The following PTPRM variants were observed in gnomAD, a reference collection of about 807,000 sequenced individuals.
PTPRM encodes the protein receptor-type tyrosine-protein phosphatase mu.
A neutral mutation model predicts 186.7 loss-of-function variants in PTPRM; 47 were observed. The ratio of observed to expected loss-of-function variants is 0.25; its 90% confidence interval spans 0.20 to 0.32. PTPRM has a LOEUF of 0.32. Ranked by LOEUF, PTPRM falls within the 10% of genes least tolerant of loss-of-function variation. The pLI is 1.00. For synonymous variants in PTPRM, 668 were observed against 674.9 expected, an observed-to-expected ratio of 0.99 and a Z score of 0.16; for missense variants, 1,494 against 1,865.0, an observed-to-expected ratio of 0.80 and a Z score of 3.66.
rs56196244 is a variant in PTPRM at position 7,620,220 on chromosome 18, C to T, written c.73+52329C>T. The stretch of plus-strand genomic sequence containing the variant: ...GGCTGCTACACAGGAACCACTGTAC[C>T]AGGCATTGGCCTTTCTCCTTTGTTT... On this transcript the variant is annotated intron_variant, in intron 1 of 32. Transcript: ENST00000580170. Among the ~76,000 whole-genome samples, 518 of 152,280 alleles carry T rather than the reference C, an allele frequency of 3.4e-3. 1 individual carries two copies. The highest frequency in any genetic ancestry group is 0.012 in the African/African-American group (498 of 41,546).
intron 22 of PTPRM, among the ~76,000 whole-genome samples, chr18:8,338,866 G>A (rs924030651): frequency 1.3e-5 from 2 of 152,154 alleles, no homozygotes; most frequent in Admixed American, 6.5e-5. Context: ...AGCAGCTCTA[G>A]TTAATGTAGA....
chr18:8,302,117 A>G (rs1379621762), intron 20 of PTPRM, among the ~76,000 whole-genome samples: 1 of 152,208 alleles, frequency 6.6e-6, no homozygotes, highest in East Asian at 1.9e-4. Context: ...GGGGTGATGT[A>G]AATGATTACA....
intron 19 of PTPRM, among the ~76,000 whole-genome samples, chr18:8,276,395 A>G (rs2094835755): frequency 6.6e-6 from 1 of 152,178 alleles, no homozygotes; most frequent in Admixed American, 6.5e-5. Flanking sequence ...TGATAGGTCA[A>G]CGCAGACCAG....
intron 7 of PTPRM, among the ~76,000 whole-genome samples, chr18:8,048,962 T>A (rs1217931250): frequency 6.6e-6 from 1 of 152,210 alleles, no homozygotes; most frequent in Non-Finnish European, 1.5e-5. Flanking sequence ...GTTCCAAACT[T>A]CCAAGGCTTT....
intron 2 of PTPRM, among the ~76,000 whole-genome samples, chr18:7,835,560 G>A (rs2145777155): frequency 6.6e-6 from 1 of 152,144 alleles, no homozygotes; most frequent in South Asian, 2.1e-4. Flanking sequence ...TGCAGCCTTT[G>A]GATGAAATGT....
chr18:8,394,556 T>C lies in PTPRM; in HGVS notation c.4289T>C (p.Val1430Ala). ...EMLRHQRTVD[V>A]FHAVKTLRNN... ...CTCCGGCACCAGAGAACCGTGGATG[T>C]CTTTCACGCTGTGAAGACACTGAGG... The change falls in exon 32 of 33, where the codon GTC becomes GCC. Residue 1430 changes from valine to alanine, a missense_variant. Coordinates refer to ENST00000580170, the MANE Select transcript of PTPRM (RefSeq NM_001105244.2). 1 of 1,613,808 alleles carries C rather than the reference T, an allele frequency of 6.2e-7. No individual in the cohort carries two copies. Among genetic ancestry groups the C allele is most frequent in the South Asian group, 1.1e-5 (1 of 90,944 alleles).
intron 3 of PTPRM, among the ~76,000 whole-genome samples, chr18:7,904,791 G>T (rs1409818980): frequency 1.3e-5 from 2 of 152,096 alleles, no homozygotes; most frequent in African/African-American, 2.4e-5. Flanking sequence ...AGAGTGCAAT[G>T]GTTAGGTTGT....
At chr18:8,036,161 G>A (rs185445114) in intron 7 of PTPRM, among the ~76,000 whole-genome samples, 26 of 152,328 alleles carry the variant, frequency 1.7e-4, no homozygotes, top group East Asian at 1.2e-3. Flanking sequence ...CTCACATGGC[G>A]TCGGGGTAAC....
chr18:8,029,232 C>G (rs865954848), intron 7 of PTPRM, among the ~76,000 whole-genome samples: 7 of 151,306 alleles, frequency 4.6e-5, no homozygotes, highest in Admixed American at 2.6e-4. Flanking sequence ...GCCCCTCCCC[C>G]ACCTGTCCTG....
intron 8 of PTPRM, among the ~76,000 whole-genome samples, chr18:8,070,826 C>T (rs1044137638): frequency 4.6e-5 from 7 of 152,156 alleles, no homozygotes; most frequent in East Asian, 3.9e-4. Context: ...GACCATTAAA[C>T]GAATGAACTG....
intron 1 of PTPRM, among the ~76,000 whole-genome samples, chr18:7,726,284 T>C (rs1309150752): frequency 6.6e-6 from 1 of 152,196 alleles, no homozygotes; most frequent in Non-Finnish European, 1.5e-5. Flanking sequence ...CATTTACATA[T>C]CTTCTTTCAA....
At chr18:8,342,090 A>AC (rs1327838196) in intron 22 of PTPRM, among the ~76,000 whole-genome samples, 1 of 152,088 alleles carries the variant, frequency 6.6e-6, no homozygotes, top group Non-Finnish European at 1.5e-5. Flanking sequence ...TGTGTTGTGG[A>AC]GAGAAAGGAA....
chr18:8,169,827 T>C (rs187694997), intron 14 of PTPRM, among the ~76,000 whole-genome samples: 1,634 of 152,326 alleles, frequency 0.011, 15 homozygotes, highest in Non-Finnish European at 0.016. Flanking sequence ...TTTTCTTCTG[T>C]AAGTACTCAT....
At chr18:8,292,662 A>G (rs968241214) in intron 19 of PTPRM, among the ~76,000 whole-genome samples, 1 of 152,200 alleles carries the variant, frequency 6.6e-6, no homozygotes, top group African/African-American at 2.4e-5. Context: ...TAATTCCTGG[A>G]TAAGAAGTTG....
At chr18:8,252,153 C>T (rs1379278287) in intron 17 of PTPRM, among the ~76,000 whole-genome samples, 1 of 152,128 alleles carries the variant, frequency 6.6e-6, no homozygotes, top group Non-Finnish European at 1.5e-5. Flanking sequence ...TTTTATAGTA[C>T]AATTTGGTTG....
chr18:7,822,014 C>G lies in PTPRM; in HGVS notation c.196+47743C>G, dbSNP rs377309288. On this transcript the variant is annotated intron_variant, in intron 2 of 32. Transcript: ENST00000580170. The stretch of plus-strand genomic sequence containing the variant: ...AAACAAAGCAGCAGATGAGGGAGGA[C>G]TACTATATTGCCACATTATAAATAT... Among the ~76,000 whole-genome samples the G allele has an allele frequency of 4.6e-5, 7 of 152,316 alleles. No homozygotes were observed. In the East Asian group the frequency reaches 7.7e-4, roughly 17 times the overall value.
intron 1 of PTPRM, among the ~76,000 whole-genome samples, chr18:7,599,373 T>C (rs889733131): frequency 2.6e-5 from 4 of 152,364 alleles, no homozygotes; most frequent in Admixed American, 2.0e-4. Flanking sequence ...CAGATTACAC[T>C]ATGAGAGTTC....
At chr18:8,289,565 T>C (rs1337276863) in intron 19 of PTPRM, among the ~76,000 whole-genome samples, 10,943 of 96,356 alleles carry the variant, frequency 0.11, 1,089 homozygotes, top group African/African-American at 0.2. Context: ...TATATACACA[T>C]ATATATATAT....
intron 19 of PTPRM, among the ~76,000 whole-genome samples, chr18:8,279,789 G>T (rs915202341): frequency 6.6e-6 from 1 of 152,184 alleles, no homozygotes; most frequent in Non-Finnish European, 1.5e-5. Context: ...AGCCATGCCT[G>T]CAGAGTTTGC....
Sources: gnomAD v4.1 joint callset for allele counts (sites outside exome capture counted in the v4.1 genomes callset) on GRCh38, gnomAD v4.1.1 for gene constraint, MANE v1.5 for transcripts, NCBI Gene and HGNC (gene_info 2026-07-23, HGNC 2026-07-21) for gene names.